Variants in SAMD5 observed in about 807,000 individuals in gnomAD.
SAMD5 encodes sterile alpha motif domain containing 5.
A neutral mutation model predicts 11.3 loss-of-function variants in SAMD5; 13 were observed. The ratio of observed to expected loss-of-function variants is 1.15; its 90% CI spans 0.75 to 1.83. SAMD5 has a LOEUF of 1.83. Ranked by LOEUF, SAMD5 falls within the 40% of genes most tolerant of loss-of-function variation. The pLI is 0.00. For missense variants in SAMD5, 255 were observed against 239.1 expected (o/e 1.07, Z -0.44); for synonymous variants, 129 against 111.3 (o/e 1.16, Z -1.00).
the SAMD5 span, among the ~76,000 whole-genome samples, chr6:147,851,564 C>T: frequency 1.7e-3 from 259 of 152,250 alleles, 2 homozygotes; most frequent in Non-Finnish European, 6.2e-4. Flanking sequence ...TCACAGAGTA[C>T]GAAGTGGTCA....
At chr6:147,586,601 A>G (rs1050395269) in intron 1 of SAMD5, among the ~76,000 whole-genome samples, 1 of 152,180 alleles carries the variant, frequency 6.6e-6, no homozygotes, top group Non-Finnish European at 1.5e-5. Context: ...TATTGTCTAG[A>G]TATTTTTAAT....
intron 1 of SAMD5, among the ~76,000 whole-genome samples, chr6:147,543,366 T>G (rs570601283): frequency 6.0e-4 from 91 of 152,202 alleles, no homozygotes; most frequent in Admixed American, 1.4e-3. Flanking sequence ...AAAGTTCTAA[T>G]GAGAGTGAGG....
At chr6:147,776,466 C>A in the SAMD5 span, among the ~76,000 whole-genome samples, 1 of 152,120 alleles carries the variant, frequency 6.6e-6, no homozygotes, top group African/African-American at 2.4e-5. Flanking sequence ...TGGGAGTCTG[C>A]AAGCCCTGAG....
chr6:147,875,147 T>A, the SAMD5 span, among the ~76,000 whole-genome samples: 2 of 152,194 alleles, frequency 1.3e-5, no homozygotes, highest in Non-Finnish European at 2.9e-5. Flanking sequence ...AGAAAGACAG[T>A]TTCTCAAATT....
chr6:147,804,559 A>C, the SAMD5 span, among the ~76,000 whole-genome samples: 5 of 152,210 alleles, frequency 3.3e-5, no homozygotes, highest in Non-Finnish European at 5.9e-5. Flanking sequence ...CTGCCAGATA[A>C]TCTAGCATCA....
At chr6:147,844,109 T>C in the SAMD5 span, among the ~76,000 whole-genome samples, 2 of 152,142 alleles carry the variant, frequency 1.3e-5, no homozygotes, top group Non-Finnish European at 2.9e-5. Flanking sequence ...AAGGGGCTAA[T>C]ATCCAAAATA....
chr6:147,818,096 T>C, the SAMD5 span, among the ~76,000 whole-genome samples: 2 of 152,226 alleles, frequency 1.3e-5, no homozygotes, highest in Admixed American at 6.5e-5. Context: ...TGTACACAGG[T>C]GAACACATTC....
the SAMD5 span, among the ~76,000 whole-genome samples, chr6:147,751,544 G>A: frequency 0.033 from 5,003 of 152,236 alleles, 108 homozygotes; most frequent in African/African-American, 0.053. Flanking sequence ...CACAAAATAG[G>A]GTTCAGTCAG....
At chr6:147,784,081 T>G in the SAMD5 span, among the ~76,000 whole-genome samples, 3 of 152,162 alleles carry the variant, frequency 2.0e-5, no homozygotes, top group Non-Finnish European at 4.4e-5. Flanking sequence ...TTCTTTTGCC[T>G]CGACCGTCTC....
the SAMD5 span, among the ~76,000 whole-genome samples, chr6:147,798,639 C>T: frequency 1.3e-5 from 2 of 151,972 alleles, no homozygotes; most frequent in Non-Finnish European, 2.9e-5. Context: ...CTTTTTGTCT[C>T]GTTGATCTGT....
chr6:147,566,016 T>A lies in SAMD5; in HGVS notation c.*1560T>A. On this transcript the variant is annotated 3_prime_UTR_variant, in exon 2 of 2. Transcript: ENST00000367474. ...AAAGGAAAAGAAACTTACATTCACT[T>A]TTTCCTGGTCCATTTTGGTTCCTAA... 1.0e-6 allele frequency: 1 copy of A among 985,322 alleles called. No homozygotes were observed. 61.0% of individuals were successfully genotyped at this position (985,322 alleles called of 1,614,324 possible).
the SAMD5 span, among the ~76,000 whole-genome samples, chr6:147,867,279 G>GTTTT: frequency 1.1e-4 from 13 of 115,384 alleles, no homozygotes; most frequent in South Asian, 2.7e-4. Flanking sequence ...GGTCAAAAAG[G>GTTTT]TTTTTTTTTT....
chr6:147,796,241 A>G, the SAMD5 span, among the ~76,000 whole-genome samples: 740 of 151,146 alleles, frequency 4.9e-3, 8 homozygotes, highest in African/African-American at 0.017. Context: ...ATTGATTTTT[A>G]TATAAGGTGT....
the SAMD5 span, among the ~76,000 whole-genome samples, chr6:147,756,036 G>C: frequency 6.6e-6 from 1 of 152,006 alleles, no homozygotes; most frequent in Non-Finnish European, 1.5e-5. Context: ...GGAGGATAAT[G>C]CATGTCATTT....
At chr6:147,671,889 ATTTTTTT>A (rs56865442) in intron 1 of SAMD5, among the ~76,000 whole-genome samples, 4 of 98,070 alleles carry the variant, frequency 4.1e-5, no homozygotes, top group African/African-American at 8.1e-5. Context: ...CTTTTTCAGG[ATTTTTTT>A]TTTTTTTTTT....
intron 1 of SAMD5, among the ~76,000 whole-genome samples, chr6:147,736,692 A>T (rs1791809215): frequency 6.6e-6 from 1 of 152,188 alleles, no homozygotes; most frequent in Non-Finnish European, 1.5e-5. Context: ...GATAGGCTGA[A>T]ATTTTGATAT....
chr6:147,874,877 G>A, the SAMD5 span, among the ~76,000 whole-genome samples: 1 of 152,006 alleles, frequency 6.6e-6, no homozygotes, highest in Non-Finnish European at 1.5e-5. Context: ...TGGGATTCGG[G>A]CAGGACTTTG....
At chr6:147,509,501 C>A (rs1490983089) in intron 1 of SAMD5, 114 bp downstream of exon 1, 3 of 864,694 alleles carry the variant, frequency 3.5e-6, no homozygotes, top group Middle Eastern at 3.4e-4. Context: ...GGCCAGGAGG[C>A]TTTGGGTATC....
chr6:147,821,273 A>G, the SAMD5 span, among the ~76,000 whole-genome samples: 1 of 152,236 alleles, frequency 6.6e-6, no homozygotes. Flanking sequence ...TGGATGTGAT[A>G]TAAAGGTGCT....
Sources: gnomAD v4.1 joint callset for allele counts (sites outside exome capture counted in the v4.1 genomes callset) on GRCh38, gnomAD v4.1.1 for gene constraint, MANE v1.5 for transcripts, NCBI Gene and HGNC (gene_info 2026-07-23, HGNC 2026-07-21) for gene names.